IL15RA: variants seen among roughly 807,000 people sequenced by gnomAD.
IL15RA encodes the protein interleukin-15 receptor subunit alpha.
A neutral mutation model predicts 24.2 loss-of-function variants in IL15RA; 26 were observed. That is an observed-to-expected ratio of 1.07 (90% CI 0.79 to 1.49). The LOEUF (loss-of-function observed/expected upper bound fraction) is 1.49, where lower values mean the gene tolerates loss of function less well. Among genes scored for constraint, IL15RA ranks in the 40% most tolerant of loss-of-function variants. The pLI is 0.00. For missense variants in IL15RA, 354 were observed against 356.4 expected, an observed-to-expected ratio of 0.99 and a Z score of 0.05; for synonymous variants, 166 against 157.6, an observed-to-expected ratio of 1.05 and a Z score of -0.40.
At chr10:5,969,254 TA>T (rs1172395377) in intron 1 of IL15RA, among the ~76,000 whole-genome samples, 1 of 150,282 alleles carries the variant, frequency 6.7e-6, no homozygotes, top group East Asian at 1.9e-4. Context: ...TTTTTTAAAT[TA>T]AATTTTTAAA....
rs1207487516 is a variant in IL15RA at position 5,967,545 on chromosome 10, C to T, written c.89-1206G>A. ...TTGCAACTGCAAAGACACCTTATTC[C>T]CCATGAAGCATCATTTTCCCAAAGG... On this transcript the variant is annotated intron_variant, in intron 1 of 6. Transcript: ENST00000379977. This position sits in a 1 kb window ranked among gnomAD's most constrained non-coding sequence, Gnocchi z 4.4. Among the ~76,000 whole-genome samples, 1 of 152,194 alleles carries T rather than the reference C, an allele frequency of 6.6e-6. No homozygotes were observed. Among genetic ancestry groups the T allele is most frequent in the Non-Finnish European group, 1.5e-5 (1 of 68,034 alleles).
At position 5,964,700 on chromosome 10, in the gene IL15RA, AG is replaced by A. The variant is rs1295658197; in HGVS notation, c.284-860del. 6.6e-6 allele frequency among the ~76,000 whole-genome samples: 1 copy of A among 152,164 alleles called. No individual in the cohort carries two copies. The highest frequency in any genetic ancestry group is 1.5e-5 in the Non-Finnish European group (1 of 68,030). On this transcript the variant is annotated intron_variant, in intron 2 of 6. Coordinates refer to ENST00000379977, the MANE Select transcript of IL15RA (RefSeq NM_002189.4). This position sits in a 1 kb window ranked among gnomAD's most constrained non-coding sequence, Gnocchi z 5.6. ...CTCCATCCCGGATTCATTTGCCCAA[AG>A]GACATGGAGTGTCGAGGAGACCTGA...
rs1396288127 is a variant in IL15RA at position 5,967,547 on chromosome 10, C to G, written c.89-1208G>C. Among the ~76,000 whole-genome samples, 1 of 152,218 alleles carries G rather than the reference C, an allele frequency of 6.6e-6. No individual in the cohort carries two copies. The highest frequency in any genetic ancestry group is 1.5e-5 in the Non-Finnish European group (1 of 68,032). ...GCAACTGCAAAGACACCTTATTCCC[C>G]ATGAAGCATCATTTTCCCAAAGGCT... On this transcript the variant is annotated intron_variant, in intron 1 of 6. Coordinates refer to ENST00000379977, the MANE Select transcript of IL15RA (RefSeq NM_002189.4). The surrounding 1 kb of genome is among the most constrained non-coding windows in gnomAD (Gnocchi z 4.4).
chr10:5,977,658 C>A (rs1227060494), upstream of IL15RA: 1 of 1,246,794 alleles, frequency 8.0e-7, no homozygotes, highest in African/African-American at 1.6e-5. Flanking sequence ...GTGACAGATC[C>A]GTGACTCAGC....
At chr10:5,974,825 A>G (rs1049375873) in intron 1 of IL15RA, among the ~76,000 whole-genome samples, 3 of 152,088 alleles carry the variant, frequency 2.0e-5, no homozygotes, top group Admixed American at 6.6e-5. Flanking sequence ...TTCAGTGAGC[A>G]GAGATGGAGC....
Position 5,963,739 on chromosome 10 carries a change from C to A in IL15RA, c.382+4G>T. The A allele has an allele frequency of 6.6e-7, 1 of 1,510,488 alleles. No individual in the cohort carries two copies. The highest frequency in any genetic ancestry group is 1.5e-5 in the African/African-American group (1 of 68,268). The allele number at this position is 1,510,488 out of a possible 1,614,324, so 93.6% of individuals were successfully genotyped here. A position where few individuals can be genotyped will look rare whatever the true frequency, so the allele number is the denominator to read the frequency against. On this transcript the variant is annotated splice_donor_region_variant and intron_variant, in intron 3 of 6. Coordinates refer to ENST00000379977, the MANE Select transcript of IL15RA (RefSeq NM_002189.4). This position sits in a 1 kb window ranked among gnomAD's most constrained non-coding sequence, Gnocchi z 5.3. ...TGTCCTCGAGAAGTTTCTGACCTTC[C>A]TACCTTTTCCAGAAGGGGAGAGGCT...
rs559911547 is a variant in IL15RA at position 5,964,475 on chromosome 10, C to T, written c.284-634G>A. On this transcript the variant is annotated intron_variant, in intron 2 of 6. Coordinates refer to ENST00000379977, the MANE Select transcript of IL15RA (RefSeq NM_002189.4). The surrounding 1 kb of genome is among the most constrained non-coding windows in gnomAD (Gnocchi z 5.6). ...AAGCCACCATACCTGGCTTACATTTCACTTGTTGAGCAGGAAAAAAGTCAT... is the reference window on the plus strand; with the variant it reads ...AAGCCACCATACCTGGCTTACATTTTACTTGTTGAGCAGGAAAAAAGTCAT... 6.6e-6 allele frequency among the ~76,000 whole-genome samples: 1 copy of T among 152,122 alleles called. No individual in the cohort carries two copies. Among genetic ancestry groups the T allele is most frequent in the Non-Finnish European group, 1.5e-5 (1 of 68,020 alleles).
intron 1 of IL15RA, among the ~76,000 whole-genome samples, chr10:5,976,419 T>C (rs994523546): frequency 6.6e-6 from 1 of 152,178 alleles, no homozygotes; most frequent in Admixed American, 6.5e-5. Flanking sequence ...ACACAGATCA[T>C]GGCGTTACTA....
rs1835564337 is a variant in IL15RA at position 5,961,642 on chromosome 10, G to T, written c.383-1075C>A. Among the ~76,000 whole-genome samples, 1 of 152,220 alleles carries T rather than the reference G, an allele frequency of 6.6e-6. No individual in the cohort carries two copies. The highest frequency in any genetic ancestry group is 6.5e-5 in the Admixed American group (1 of 15,284). ...GATGAGCTTGCTCTCAGGAACAGAG[G>T]CTGCCTTGTGTTCAGCGTCTTCCCT... On this transcript the variant is annotated intron_variant, in intron 3 of 6. Transcript: ENST00000379977. This position sits in a 1 kb window ranked among gnomAD's most constrained non-coding sequence, Gnocchi z 5.2.
chr10:5,953,249 T>A lies in IL15RA; in HGVS notation c.693-43A>T, dbSNP rs752562903. ...CATAGGTTTTGAAAAGAGGAGGGGG[T>A]TGCCCTCAAATCAACAGACGCTTCC... On this transcript the variant is annotated intron_variant, in intron 6 of 6. Coordinates refer to ENST00000379977, the MANE Select transcript of IL15RA (RefSeq NM_002189.4). This position sits in a 1 kb window ranked among gnomAD's most constrained non-coding sequence, Gnocchi z 5.3. 7 of 1,417,380 alleles carry A rather than the reference T, an allele frequency of 4.9e-6. No homozygotes were observed. The highest frequency in any genetic ancestry group is 1.7e-5 in the Admixed American group (1 of 59,550). 87.8% of individuals were successfully genotyped at this position (1,417,380 alleles called of 1,614,324 possible).
Position 5,960,281 on chromosome 10 carries a change from TA to T in IL15RA, c.583+85del. On this transcript the variant is annotated intron_variant, in intron 4 of 6. Coordinates refer to ENST00000379977, the MANE Select transcript of IL15RA (RefSeq NM_002189.4). This position sits in a 1 kb window ranked among gnomAD's most constrained non-coding sequence, Gnocchi z 5.1. ...GAATCCTGACTTTGGATTGATGGTATAAAGCTGCCTTGTGCCGGATCTCAGC... is the reference window on the plus strand; with the variant it reads ...GAATCCTGACTTTGGATTGATGGTATAAGCTGCCTTGTGCCGGATCTCAGC... 1 of 1,258,988 alleles carries T rather than the reference TA, an allele frequency of 7.9e-7. No homozygotes were observed. Among genetic ancestry groups the T allele is most frequent in the Non-Finnish European group, 1.2e-6 (1 of 865,128 alleles). 78.0% of individuals were successfully genotyped at this position (1,258,988 alleles called of 1,614,324 possible). A position where few individuals can be genotyped will look rare whatever the true frequency, so the allele number is the denominator to read the frequency against.
rs902309788 is a variant in IL15RA at position 5,967,260 on chromosome 10, A to G, written c.89-921T>C. ...TCACTCTGTCACCAGGCTGGAGTGC[A>G]GTGGCACGATCTTGGCTCACTGCAA... On this transcript the variant is annotated intron_variant, in intron 1 of 6. Transcript: ENST00000379977. The surrounding 1 kb of genome is among the most constrained non-coding windows in gnomAD (Gnocchi z 4.4). Among the ~76,000 whole-genome samples, 5 of 151,934 alleles carry G rather than the reference A, an allele frequency of 3.3e-5. No individual in the cohort carries two copies. Among genetic ancestry groups the G allele is most frequent in the African/African-American group, 7.3e-5 (3 of 41,376 alleles).
intron 5 of IL15RA, among the ~76,000 whole-genome samples, chr10:5,957,593 CTTTT>C (rs34002653): frequency 1.5e-5 from 2 of 131,608 alleles, no homozygotes; most frequent in African/African-American, 5.8e-5. Context: ...TTTTCTTCTT[CTTTT>C]TTTTTTTTTT....
chr10:5,967,681 C>T lies in IL15RA; in HGVS notation c.89-1342G>A, dbSNP rs1389260332. 6.6e-6 allele frequency among the ~76,000 whole-genome samples: 1 copy of T among 152,218 alleles called. No individual in the cohort carries two copies. The highest frequency in any genetic ancestry group is 1.5e-5 in the Non-Finnish European group (1 of 68,040). On this transcript the variant is annotated intron_variant, in intron 1 of 6. Transcript: ENST00000379977. This position sits in a 1 kb window ranked among gnomAD's most constrained non-coding sequence, Gnocchi z 4.4. ...GGATGAACCAATGGACACAGCTCAG[C>T]TCTGTTGGAAGTGACAGGTGTTGTT... is the stretch of plus-strand genomic sequence containing the variant.
rs778275424 is a variant in IL15RA at position 5,966,169 on chromosome 10, T to C, written c.259A>G (p.Thr87Ala). 6.2e-7 allele frequency: 1 copy of C among 1,611,192 alleles called. No homozygotes were observed. ...CTAATGCATTTGAGACTGGGGGTTG[T>C]CCAGTGGGCGACATTCGTGGCCTTG... Reference protein sequence around the residue: ...LNKATNVAHWTTPSLKCIRDP... With the variant: ...LNKATNVAHWATPSLKCIRDP... Residue 87 changes from threonine (T) to alanine (A), a missense_variant, in exon 2 of 7, where the codon ACA (threonine) becomes GCA (alanine). Transcript: ENST00000379977. The surrounding 1 kb of genome is among the most constrained non-coding windows in gnomAD (Gnocchi z 6.4).
chr10:5,972,305 C>A (rs1252966178), intron 1 of IL15RA, among the ~76,000 whole-genome samples: 1 of 152,150 alleles, frequency 6.6e-6, no homozygotes, highest in Non-Finnish European at 1.5e-5. Context: ...TGATATGACT[C>A]CCACGATATA....
rs1387033210 is a variant in IL15RA at position 5,975,459 on chromosome 10, G to A, written c.88+1946C>T. ...CATGAGGAAGTCTTTGGGAGTGATA[G>A]TTGTGTTCACTCTTGGTGGTGGCAG... On this transcript the variant is annotated intron_variant, in intron 1 of 6. Coordinates refer to ENST00000379977, the MANE Select transcript of IL15RA (RefSeq NM_002189.4). This position sits in a 1 kb window ranked among gnomAD's most constrained non-coding sequence, Gnocchi z 4.8. 6.6e-6 allele frequency among the ~76,000 whole-genome samples: 1 copy of A among 150,762 alleles called. No individual in the cohort carries two copies. Among genetic ancestry groups the A allele is most frequent in the African/African-American group, 2.5e-5 (1 of 40,128 alleles).
downstream of IL15RA, among the ~76,000 whole-genome samples, chr10:5,951,624 G>C (rs535035169): frequency 2.6e-5 from 4 of 152,206 alleles, no homozygotes; most frequent in East Asian, 5.8e-4. Context: ...TTAGGAGTTT[G>C]AGACCAGTCT....
chr10:5,961,849 C>A lies in IL15RA; in HGVS notation c.383-1282G>T, dbSNP rs1369544069. On this transcript the variant is annotated intron_variant, in intron 3 of 6. Transcript: ENST00000379977. This position sits in a 1 kb window ranked among gnomAD's most constrained non-coding sequence, Gnocchi z 5.2. ...GTTGTTGCCGCGTTCCCATGGTCTC[C>A]CAGCCACACAGGTCATGAGAAGGCC... 6.6e-6 allele frequency among the ~76,000 whole-genome samples: 1 copy of A among 152,204 alleles called. No homozygotes were observed. The highest frequency in any genetic ancestry group is 1.5e-5 in the Non-Finnish European group (1 of 68,046).
Sources: allele counts gnomAD v4.1 joint callset (sites outside exome capture counted in the v4.1 genomes callset), GRCh38; gene constraint gnomAD v4.1.1; non-coding constraint Gnocchi (gnomAD v3.1); transcripts MANE v1.5; gene names NCBI Gene and HGNC (gene_info 2026-07-23, HGNC 2026-07-21).